The following VCP variants were observed in gnomAD, a reference collection of about 807,000 sequenced individuals.
VCP encodes the protein valosin containing protein.
A neutral mutation model predicts 85.7 loss-of-function variants in VCP; 6 were observed. The ratio of observed to expected loss-of-function variants is 0.07; its 90% CI spans 0.04 to 0.14. The LOEUF (loss-of-function observed/expected upper bound fraction) is 0.14. Among genes scored for constraint, VCP ranks in the 10% least tolerant of loss-of-function variants. The pLI, the probability that VCP is intolerant of heterozygous loss-of-function variation, is 1.00. For synonymous variants in VCP, 384 were observed against 367.1 expected (o/e 1.05, Z -0.53); for missense variants, 353 against 1,043.4 (o/e 0.34, Z 9.12).
At position 35,072,345 on chromosome 9, in the gene VCP, A is replaced by G. The variant is rs1782639546; in HGVS notation, c.9T>C (p.Ser3=). The change falls in exon 1 of 17, where the codon TCT becomes TCC. Residue 3 remains serine (S), a synonymous_variant. Coordinates refer to ENST00000358901, the MANE Select transcript of VCP (RefSeq NM_007126.5). MA[S]GADSKGDDLS... The stretch of plus-strand genomic sequence containing the variant: ...GGCGCGCGCACACTCACTCGGCTCC[A>G]GAAGCCATGGCGCGCGCCTCTCCCG... The G allele has an allele frequency of 6.7e-6, 10 of 1,486,452 alleles. No homozygotes were observed. The highest frequency in any genetic ancestry group is 8.9e-6 in the Non-Finnish European group (10 of 1,125,994). The allele number at this position is 1,486,452 out of a possible 1,614,324, so 92.1% of individuals were successfully genotyped here.
At chr9:35,057,658 C>A in intron 15 of VCP, 128 bp from the exon 16 acceptor site, 1 of 1,276,616 alleles carries the variant, frequency 7.8e-7, no homozygotes, top group Non-Finnish European at 1.1e-6. Context: ...AGATGCTAGG[C>A]CATGCTTCCT....
At chr9:35,068,934 T>C (rs1351370111) in intron 1 of VCP, among the ~76,000 whole-genome samples, 2 of 152,208 alleles carry the variant, frequency 1.3e-5, no homozygotes, top group African/African-American at 2.4e-5. Context: ...ATGGTCACCA[T>C]GATTAACAGT....
In VCP at chr9:35,059,415, T is replaced by C; in HGVS notation, c.2004+78A>G. ...ACCAACCCTAACCCCAGTGGAATCT[T>C]GTCCAGAAACTAAAGAGCACTCCGT... On this transcript the variant is annotated intron_variant, in intron 14 of 16. Coordinates refer to ENST00000358901, the MANE Select transcript of VCP (RefSeq NM_007126.5). This position sits in a 1 kb window ranked among gnomAD's most constrained non-coding sequence, Gnocchi z 4.9. The C allele has an allele frequency of 1.3e-6, 2 of 1,577,620 alleles. No homozygotes were observed. Among genetic ancestry groups the C allele is most frequent in the South Asian group, 1.1e-5 (1 of 87,876 alleles).
Position 35,060,853 on chromosome 9 carries a change from T to C in VCP, c.1430A>G (p.Glu477Gly). The C allele has an allele frequency of 6.2e-7, 1 of 1,614,164 alleles. No individual in the cohort carries two copies. The highest frequency in any genetic ancestry group is 1.1e-5 in the South Asian group (1 of 91,082). ...TVVEVPQVTW[E>G]DIGGLEDVKR... ...GACATCCTCTAGGCCCCCGATGTCT[T>C]CCCAGGTTACCTGTGGCACCTCTAC... is the stretch of plus-strand genomic sequence containing the variant. Residue 477 changes from glutamate to glycine, a missense_variant, in exon 12 of 17, where the codon GAA (glutamate) becomes GGA (glycine). Physicochemically the swap from Glu to Gly is moderately conservative, Grantham distance 98. Coordinates refer to ENST00000358901, the MANE Select transcript of VCP (RefSeq NM_007126.5).
chr9:35,060,601 T>C (rs1828702021), intron 12 of VCP, 76 bp from the exon 13 acceptor site: 19 of 1,542,530 alleles, frequency 1.2e-5, no homozygotes, highest in Non-Finnish European at 1.7e-5. Flanking sequence ...AAGCATCCCC[T>C]CCATTATTTC....
Position 35,059,839 on chromosome 9 carries a change from C to T in VCP, c.1696-38G>A. On this transcript the variant is annotated intron_variant, in intron 13 of 16. Coordinates refer to ENST00000358901, the MANE Select transcript of VCP (RefSeq NM_007126.5). The surrounding 1 kb of genome is among the most constrained non-coding windows in gnomAD (Gnocchi z 4.9). Reference sequence around the variant, plus strand: ...TGGATTGATTCAAGCACTAACAAAACTAGATGTCTCTAGGCAAACGTGGTG... The same window carrying T: ...TGGATTGATTCAAGCACTAACAAAATTAGATGTCTCTAGGCAAACGTGGTG... 6.2e-7 allele frequency: 1 copy of T among 1,613,674 alleles called. No homozygotes were observed. Among genetic ancestry groups the T allele is most frequent in the Non-Finnish European group, 8.5e-7 (1 of 1,179,700 alleles).
chr9:35,063,594 A>G (rs2131034359), intron 6 of VCP, among the ~76,000 whole-genome samples: 1 of 152,316 alleles, frequency 6.6e-6, no homozygotes. Context: ...CAAGCAGAAC[A>G]TGTAAACTGT....
At position 35,056,949 on chromosome 9, in the gene VCP, T is replaced by G; in HGVS notation, c.*168A>C. On this transcript the variant is annotated 3_prime_UTR_variant, in exon 17 of 17. Transcript: ENST00000358901. ...TTATTTTATCGCTTTTGTTTTGTATTTTTGCAACAGAAACCCCCTGTCCAG... is the reference window on the plus strand; with the variant it reads ...TTATTTTATCGCTTTTGTTTTGTATGTTTGCAACAGAAACCCCCTGTCCAG... 1 of 694,992 alleles carries G rather than the reference T, an allele frequency of 1.4e-6. No homozygotes were observed. Among genetic ancestry groups the G allele is most frequent in the Non-Finnish European group, 2.5e-6 (1 of 397,568 alleles). 43.1% of individuals were successfully genotyped at this position (694,992 alleles called of 1,614,324 possible).
Position 35,061,193 on chromosome 9 carries a change from T to A in VCP, c.1195-14A>T, listed in dbSNP as rs1463699630. On this transcript the variant is annotated splice_polypyrimidine_tract_variant and intron_variant, in intron 10 of 16. Coordinates refer to ENST00000358901, the MANE Select transcript of VCP (RefSeq NM_007126.5). Reference sequence around the variant, plus strand: ...CTCATTGGCTACCTGCAGAGAAAGATCTACTTACTATGCTGCCTCAAAGAC... The same window carrying A: ...CTCATTGGCTACCTGCAGAGAAAGAACTACTTACTATGCTGCCTCAAAGAC... The A allele has an allele frequency of 2.5e-6, 4 of 1,612,452 alleles. No homozygotes were observed. In the South Asian group the frequency reaches 3.3e-5, roughly 13 times the overall value.
At position 35,062,370 on chromosome 9, in the gene VCP, A is replaced by C; in HGVS notation, c.812-20T>G. On this transcript the variant is annotated intron_variant, in intron 7 of 16. Coordinates refer to ENST00000358901, the MANE Select transcript of VCP (RefSeq NM_007126.5). Reference sequence around the variant, plus strand: ...CAGGACCTGAAAGGATACAGAATGGAGACAATAACAAAATGATAGTCTTTC... The same window carrying C: ...CAGGACCTGAAAGGATACAGAATGGCGACAATAACAAAATGATAGTCTTTC... The C allele has an allele frequency of 6.2e-7, 1 of 1,614,044 alleles. No individual in the cohort carries two copies. Among genetic ancestry groups the C allele is most frequent in the Non-Finnish European group, 8.5e-7 (1 of 1,180,020 alleles).
intron 4 of VCP, among the ~76,000 whole-genome samples, chr9:35,065,964 A>G (rs2131037642): frequency 6.6e-6 from 1 of 152,212 alleles, no homozygotes; most frequent in Middle Eastern, 3.4e-3. Context: ...CGTCTCTACT[A>G]AAAACACAAA....
intron 3 of VCP, among the ~76,000 whole-genome samples, chr9:35,067,343 G>T (rs975488283): frequency 6.6e-6 from 1 of 152,098 alleles, no homozygotes; most frequent in Non-Finnish European, 1.5e-5. Context: ...ACTCCAAGAT[G>T]GGGTAACCTC....
chr9:35,065,416 T>A (rs759353085), intron 4 of VCP, 35 bp from the exon 5 acceptor site: 3 of 1,613,438 alleles, frequency 1.9e-6, no homozygotes, highest in Admixed American at 3.3e-5. Context: ...CAGTTAGAGG[T>A]GTCAACTACA....
Position 35,072,552 on chromosome 9 carries a change from G to A in VCP, c.-199C>T. 1 of 611,718 alleles carries A rather than the reference G, an allele frequency of 1.6e-6. No homozygotes were observed. Among genetic ancestry groups the A allele is most frequent in the Non-Finnish European group, 2.5e-6 (1 of 394,356 alleles). 37.9% of individuals were successfully genotyped at this position (611,718 alleles called of 1,614,324 possible). ...CGAACAACGCTGGCTCCTGATCCGC[G>A]AGGTGGCAGTGGCAGTGGCAGCGGC... On this transcript the variant is annotated 5_prime_UTR_variant, in exon 1 of 17. Coordinates refer to ENST00000358901, the MANE Select transcript of VCP (RefSeq NM_007126.5).
In VCP at chr9:35,060,768, G is replaced by T. The variant is rs376403715; in HGVS notation, c.1482+33C>A. The T allele has an allele frequency of 2.5e-5, 41 of 1,613,926 alleles. 1 individual carries two copies. In the African/African-American group the frequency reaches 4.8e-4, roughly 19 times the overall value. On this transcript the variant is annotated intron_variant, in intron 12 of 16. Transcript: ENST00000358901. ...ACCCAGATCAATTACAATGTACTGAGACAGTGACTCACCCTGGACCAAGTT... is the reference window on the plus strand; with the variant it reads ...ACCCAGATCAATTACAATGTACTGATACAGTGACTCACCCTGGACCAAGTT...
intron 1 of VCP, among the ~76,000 whole-genome samples, chr9:35,070,360 G>A (rs1219974024): frequency 6.6e-6 from 1 of 152,116 alleles, no homozygotes; most frequent in African/African-American, 2.4e-5. Flanking sequence ...ACTCTTCCAG[G>A]GACTGCCCAT....
rs1238589369 is a variant in VCP at position 35,068,256 on chromosome 9, A to G, written c.124T>C (p.Ser42Pro). 2.5e-6 allele frequency: 4 copies of G among 1,614,062 alleles called. No homozygotes were observed. Among genetic ancestry groups the G allele is most frequent in the Non-Finnish European group, 2.5e-6 (3 of 1,180,022 alleles). Residue 42 changes from serine (S) to proline (P), a missense_variant, in exon 2 of 17, where the codon TCC (serine) becomes CCC (proline). Ser to Pro is a moderately conservative substitution (Grantham distance 74, BLOSUM62 -1). This residue lies in a region of VCP where 69 missense variants were observed against 132.9 expected (regional missense o/e 0.52). Transcript: ENST00000358901. ...AGTCTGTGGCCACAGCTTACCTGGG[A>G]CAAGGACACCACACTGTTGTCCTCA... ...INEDNSVVSL[S>P]QPKMDELQLF...
rs1828600777 is a variant in VCP, at chr9:35,056,188, A to C, written c.*929T>G. 6.6e-6 allele frequency: 1 copy of C among 152,174 alleles called. No individual in the cohort carries two copies. Among genetic ancestry groups the C allele is most frequent in the Admixed American group, 6.5e-5 (1 of 15,284 alleles). 9.4% of individuals were successfully genotyped at this position (152,174 alleles called of 1,614,324 possible). A position where few individuals can be genotyped will look rare whatever the true frequency, so the allele number is the denominator to read the frequency against. On this transcript the variant is annotated 3_prime_UTR_variant, in exon 17 of 17. Coordinates refer to ENST00000358901, the MANE Select transcript of VCP (RefSeq NM_007126.5). ...TTAGATGCATTAAAAGAGAGTATAG[A>C]GAATATCCACCTGCAAGTAAGATTG...
chr9:35,071,969 C>A, intron 1 of VCP: 1 of 1,078,416 alleles, frequency 9.3e-7, no homozygotes, highest in South Asian at 2.9e-5. Flanking sequence ...GTAGGCCGGA[C>A]GGCAGACTGG....
Sources: gnomAD v4.1 joint callset for allele counts (sites outside exome capture counted in the v4.1 genomes callset) on GRCh38, gnomAD v4.1.1 for gene constraint, gnomAD v4.1.1 regional missense constraint, Gnocchi (gnomAD v3.1) non-coding constraint, MANE v1.5 for transcripts, NCBI Gene and HGNC (gene_info 2026-07-23, HGNC 2026-07-21) for gene names.